ITSN1: variants seen among roughly 807,000 people sequenced by gnomAD.
ITSN1 encodes intersectin-1.
A neutral mutation model predicts 239.8 loss-of-function variants in ITSN1; 58 were observed. The ratio of observed to expected loss-of-function variants is 0.24; its 90% CI spans 0.20 to 0.30. The LOEUF is 0.30. ITSN1 is among the 10% of genes least tolerant of loss of function. The pLI, the probability that ITSN1 is intolerant of heterozygous loss-of-function variation, is 1.00. For synonymous variants in ITSN1, 780 were observed against 770.8 expected, an observed-to-expected ratio of 1.01 and a Z score of -0.20; for missense variants, 1,558 against 2,103.3, an observed-to-expected ratio of 0.74 and a Z score of 5.07.
At chr21:33,654,753 C>G (rs190758862) in intron 1 of ITSN1, among the ~76,000 whole-genome samples, 8 of 152,308 alleles carry the variant, frequency 5.3e-5, no homozygotes, top group African/African-American at 1.9e-4. Context: ...TTATGTTCTG[C>G]TGTCTGGGGA....
intron 31 of ITSN1, among the ~76,000 whole-genome samples, chr21:33,859,541 G>A (rs1033711767): frequency 2.0e-5 from 3 of 152,196 alleles, no homozygotes; most frequent in Non-Finnish European, 2.9e-5. Context: ...TGCAGGGCGC[G>A]TGATATTCCC....
At chr21:33,856,642 C>G (rs1979396991) in intron 29 of ITSN1, 94 bp from the exon 30 acceptor site, 2 of 1,580,470 alleles carry the variant, frequency 1.3e-6, no homozygotes, top group Non-Finnish European at 8.6e-7. Flanking sequence ...TGGAGCAAGC[C>G]CTCAGGACCC....
chr21:33,710,891 C>T (rs575982999), intron 1 of ITSN1, among the ~76,000 whole-genome samples: 9 of 151,444 alleles, frequency 5.9e-5, no homozygotes, highest in Middle Eastern at 6.8e-3. Flanking sequence ...CTGCAACCTC[C>T]GCCTCTTGGG....
At chr21:33,867,721 C>T (rs1981868637) in intron 33 of ITSN1, among the ~76,000 whole-genome samples, 1 of 151,816 alleles carries the variant, frequency 6.6e-6, no homozygotes, top group Admixed American at 6.6e-5. Context: ...AATGAAGCCG[C>T]AGACCCTCGC....
At chr21:33,842,984 G>A (rs971412424) in intron 29 of ITSN1, among the ~76,000 whole-genome samples, 4 of 152,048 alleles carry the variant, frequency 2.6e-5, no homozygotes, top group East Asian at 1.9e-4. Context: ...GATCCACTGC[G>A]TTGCTTCCCA....
intron 12 of ITSN1, among the ~76,000 whole-genome samples, chr21:33,772,848 A>G (rs1358067604): frequency 1.3e-5 from 2 of 152,182 alleles, no homozygotes; most frequent in Admixed American, 6.5e-5. Flanking sequence ...GTAACAAACC[A>G]CTGATACCAG....
At chr21:33,771,446 GA>G (rs1278994719) in intron 11 of ITSN1, among the ~76,000 whole-genome samples, 1 of 152,016 alleles carries the variant, frequency 6.6e-6, no homozygotes, top group African/African-American at 2.4e-5. Flanking sequence ...TGGGATTGTA[GA>G]AAATGAAGAA....
intron 4 of ITSN1, among the ~76,000 whole-genome samples, chr21:33,733,041 C>G (rs576583857): frequency 2.0e-5 from 3 of 152,060 alleles, no homozygotes; most frequent in African/African-American, 7.2e-5. Context: ...TTTTTGGATC[C>G]CAGTAGGGTT....
rs542862192 is a variant in ITSN1, at chr21:33,797,109, A to G, written c.1953-270A>G. ...TATGGCTTTGTTTGTTTGTTTTGTC[A>G]GTTTAATACCAGCTTTATTATTAAG... On this transcript the variant is annotated intron_variant, in intron 17 of 39. Transcript: ENST00000381318. The surrounding 1 kb of genome is among the most constrained non-coding windows in gnomAD (Gnocchi z 4.9). Among the ~76,000 whole-genome samples, 3 of 152,262 alleles carry G rather than the reference A, an allele frequency of 2.0e-5. No individual in the cohort carries two copies. The South Asian group carries it at 6.2e-4, about 32-fold the overall frequency.
chr21:33,805,574 T>C (rs571631963), intron 20 of ITSN1, among the ~76,000 whole-genome samples: 1 of 152,332 alleles, frequency 6.6e-6, no homozygotes, highest in East Asian at 1.9e-4. Context: ...GGCTCCTTCA[T>C]TCACATATTG....
intron 1 of ITSN1, among the ~76,000 whole-genome samples, chr21:33,689,830 TG>T (rs1415031932): frequency 6.6e-6 from 1 of 151,640 alleles, no homozygotes; most frequent in Non-Finnish European, 1.5e-5. Context: ...TAGCCGGGCA[TG>T]GTGGCGCACG....
chr21:33,765,323 C>T (rs1272963659), intron 9 of ITSN1, among the ~76,000 whole-genome samples: 1 of 152,122 alleles, frequency 6.6e-6, no homozygotes, highest in African/African-American at 2.4e-5. Flanking sequence ...CAGTGAGACC[C>T]CCATCTCTAC....
At chr21:33,730,825 A>G (rs560882777) in intron 4 of ITSN1, among the ~76,000 whole-genome samples, 1 of 152,002 alleles carries the variant, frequency 6.6e-6, no homozygotes, top group South Asian at 2.1e-4. Flanking sequence ...TCAGTCTCCC[A>G]AATAGCTGGG....
intron 32 of ITSN1, 127 bp from the exon 33 acceptor site, chr21:33,867,106 A>G: frequency 1.6e-6 from 1 of 639,288 alleles, no homozygotes; most frequent in East Asian, 2.7e-5. Context: ...TTCCAACCCC[A>G]GGTCTCTCAG....
intron 5 of ITSN1, among the ~76,000 whole-genome samples, chr21:33,737,618 G>C (rs2066585110): frequency 6.6e-6 from 1 of 152,032 alleles, no homozygotes; most frequent in African/African-American, 2.4e-5. Flanking sequence ...TAGTCGCCCA[G>C]GCTGGAGTGC....
At chr21:33,877,458 T>C (rs1405481188) in intron 34 of ITSN1, among the ~76,000 whole-genome samples, 1 of 152,204 alleles carries the variant, frequency 6.6e-6, no homozygotes, top group Non-Finnish European at 1.5e-5. Context: ...ACAGCCCTTG[T>C]GTGAATCGTG....
chr21:33,705,321 AAAG>A (rs767692952), intron 1 of ITSN1, among the ~76,000 whole-genome samples: 7 of 152,296 alleles, frequency 4.6e-5, no homozygotes, highest in South Asian at 2.1e-4. Flanking sequence ...CTGATTATAA[AAAG>A]AAGAATATGA....
At chr21:33,869,426 A>G (rs1982325685) in intron 33 of ITSN1, among the ~76,000 whole-genome samples, 1 of 152,236 alleles carries the variant, frequency 6.6e-6, no homozygotes, top group Non-Finnish European at 1.5e-5. Context: ...CCAACGATTC[A>G]ATTATCTCCA....
chr21:33,859,128 C>T (rs763122841), intron 31 of ITSN1, among the ~76,000 whole-genome samples: 7 of 152,308 alleles, frequency 4.6e-5, no homozygotes, highest in South Asian at 2.1e-4. Context: ...GCCCCCTCTA[C>T]GCTTTCCCTC....
Sources: allele counts gnomAD v4.1 joint callset (sites outside exome capture counted in the v4.1 genomes callset), GRCh38; gene constraint gnomAD v4.1.1; non-coding constraint Gnocchi (gnomAD v3.1); transcripts MANE v1.5; gene names NCBI Gene and HGNC (gene_info 2026-07-23, HGNC 2026-07-21).